Variants in MBD5 observed in about 807,000 individuals in gnomAD.
MBD5 encodes methyl-CpG-binding domain protein 5.
A neutral mutation model predicts 117.3 loss-of-function variants in MBD5; 13 were observed. The ratio of observed to expected loss-of-function variants is 0.11; its 90% confidence interval spans 0.07 to 0.18. MBD5 has a LOEUF of 0.18. MBD5 is among the 10% of genes least tolerant of loss of function. The pLI is 1.00. For synonymous variants in MBD5, 727 were observed against 766.4 expected, an observed-to-expected ratio of 0.95 and a Z score of 0.85; for missense variants, 1,879 against 2,093.8, an observed-to-expected ratio of 0.90 and a Z score of 2.00.
At chr2:148,317,337 C>T (rs1702178911) in intron 3 of MBD5, among the ~76,000 whole-genome samples, 2 of 151,646 alleles carry the variant, frequency 1.3e-5, no homozygotes, top group Non-Finnish European at 2.9e-5. Flanking sequence ...CCATTGCACT[C>T]GAGCCTGGGC....
At chr2:148,261,709 C>A (rs1180081160) in intron 3 of MBD5, among the ~76,000 whole-genome samples, 1 of 152,218 alleles carries the variant, frequency 6.6e-6, no homozygotes, top group African/African-American at 2.4e-5. Flanking sequence ...TAATTTGCTT[C>A]AATAACTTTT....
At chr2:148,074,423 A>G (rs1302401218) in intron 1 of MBD5, among the ~76,000 whole-genome samples, 2 of 148,938 alleles carry the variant, frequency 1.3e-5, no homozygotes, top group East Asian at 2.0e-4. Context: ...AGGTTATACT[A>G]TTTCCTTTTA....
chr2:148,112,489 G>A (rs905358941), intron 1 of MBD5, among the ~76,000 whole-genome samples: 2 of 152,064 alleles, frequency 1.3e-5, no homozygotes, highest in African/African-American at 4.8e-5. Context: ...GGTGCAAAAC[G>A]AACGTCTTTA....
intron 3 of MBD5, among the ~76,000 whole-genome samples, chr2:148,330,053 C>CA (rs1211900182): frequency 1.9e-3 from 40 of 21,094 alleles, no homozygotes; most frequent in South Asian, 5.1e-3. Context: ...GCCCCCCCCA[C>CA]ACACACACAC....
intron 4 of MBD5, among the ~76,000 whole-genome samples, chr2:148,394,545 G>GTTTTTTTTTTTTTTTATTT (rs71856376): frequency 8.2e-6 from 1 of 121,854 alleles, no homozygotes; most frequent in Non-Finnish European, 1.7e-5. Flanking sequence ...CTGTACTTTG[G>GTTTTTTTTTTTTTTTATTT]TTTTTTTTTT....
chr2:148,237,830 A>G (rs141422780), intron 3 of MBD5, among the ~76,000 whole-genome samples: 84 of 152,296 alleles, frequency 5.5e-4, no homozygotes, highest in Non-Finnish European at 9.1e-4. Flanking sequence ...TCAAATTCAC[A>G]GAACTGATTA....
chr2:148,119,231 C>T (rs958195861), intron 1 of MBD5, among the ~76,000 whole-genome samples: 12 of 151,946 alleles, frequency 7.9e-5, no homozygotes, highest in Non-Finnish European at 1.2e-4. Context: ...AATGGTATCT[C>T]GTTGTTTTGA....
intron 2 of MBD5, among the ~76,000 whole-genome samples, chr2:148,219,452 A>G (rs1699632601): frequency 6.6e-6 from 1 of 152,204 alleles, no homozygotes; most frequent in Non-Finnish European, 1.5e-5. Flanking sequence ...AATACTAGGC[A>G]ATAGGAATTT....
intron 4 of MBD5, among the ~76,000 whole-genome samples, chr2:148,379,355 A>G (rs1574354635): frequency 6.6e-6 from 1 of 152,086 alleles, no homozygotes; most frequent in East Asian, 1.9e-4. Context: ...CAGTGGAATA[A>G]CATTTTCAAA....
chr2:148,148,146 A>C (rs1470460807), intron 1 of MBD5, among the ~76,000 whole-genome samples: 1 of 152,186 alleles, frequency 6.6e-6, no homozygotes, highest in African/African-American at 2.4e-5. Flanking sequence ...GGTTACATAA[A>C]GGCAGTTCTG....
intron 4 of MBD5, among the ~76,000 whole-genome samples, chr2:148,398,655 A>G (rs1704815427): frequency 6.6e-6 from 1 of 152,026 alleles, no homozygotes; most frequent in South Asian, 2.1e-4. Flanking sequence ...TCTTTAGTTT[A>G]ATTAGATCCC....
At chr2:148,411,487 C>G (rs1231107164) in intron 4 of MBD5, among the ~76,000 whole-genome samples, 1 of 145,238 alleles carries the variant, frequency 6.9e-6, no homozygotes, top group Non-Finnish European at 1.5e-5. Flanking sequence ...ATTCACTTTT[C>G]TCCGGGAACT....
At chr2:148,405,803 G>C (rs1241594908) in intron 4 of MBD5, among the ~76,000 whole-genome samples, 1 of 152,034 alleles carries the variant, frequency 6.6e-6, no homozygotes, top group African/African-American at 2.4e-5. Context: ...ATAACTTCAA[G>C]ACCTTCTTTG....
chr2:148,102,765 GA>G, intron 1 of MBD5, among the ~76,000 whole-genome samples: 1 of 68,626 alleles, frequency 1.5e-5, no homozygotes, highest in African/African-American at 4.8e-5. Context: ...GAGAGAGGAA[GA>G]GAGAGAGAGA....
chr2:148,406,878 A>G (rs1221326990), intron 4 of MBD5, among the ~76,000 whole-genome samples: 13 of 152,166 alleles, frequency 8.5e-5, no homozygotes, highest in Admixed American at 8.5e-4. Context: ...CCCTCTCAGA[A>G]GAGACTTCCC....
intron 1 of MBD5, among the ~76,000 whole-genome samples, chr2:148,127,608 AC>A (rs1341726479): frequency 5.3e-5 from 8 of 152,172 alleles, no homozygotes; most frequent in Non-Finnish European, 1.2e-4. Context: ...TATATGTACC[AC>A]ATTTTCTTTA....
At chr2:148,078,217 T>C (rs1281119305) in intron 1 of MBD5, among the ~76,000 whole-genome samples, 1 of 152,154 alleles carries the variant, frequency 6.6e-6, no homozygotes, top group Non-Finnish European at 1.5e-5. Context: ...TGAACAAGTG[T>C]ATTTTTCCAA....
rs757558505 is a variant in MBD5, at chr2:148,469,946, G to A, written c.2003G>A (p.Ser668Asn). Residue 668 changes from serine (S) to asparagine (N), a missense_variant, in exon 8 of 14, where the codon AGT (serine) becomes AAT (asparagine). Ser to Asn is a conservative substitution (Grantham distance 46). Coordinates refer to ENST00000642680, the MANE Select transcript of MBD5 (RefSeq NM_001378120.1). ...KRKQPPTTVL[S>N]LLRQSQMDSS... ...AAACAACCACCTACGACAGTGTTGAGTTTGCTCAGACAGTCTCAAATGGAT... is the reference window on the plus strand; with the variant it reads ...AAACAACCACCTACGACAGTGTTGAATTTGCTCAGACAGTCTCAAATGGAT... 2 of 1,613,988 alleles carry A rather than the reference G, an allele frequency of 1.2e-6. No homozygotes were observed. Among genetic ancestry groups the A allele is most frequent in the Admixed American group, 3.3e-5 (2 of 59,990 alleles).
intron 2 of MBD5, 103 bp downstream of exon 2, chr2:148,178,896 T>C (rs1444263203): frequency 2.6e-6 from 1 of 392,020 alleles, no homozygotes; most frequent in African/African-American, 2.1e-5. Context: ...TCACTGCTCC[T>C]GTCTAAGTTA....
Sources: allele counts gnomAD v4.1 joint callset (sites outside exome capture counted in the v4.1 genomes callset), GRCh38; gene constraint gnomAD v4.1.1; transcripts MANE v1.5; gene names NCBI Gene and HGNC (gene_info 2026-07-23, HGNC 2026-07-21).